Variants in RASAL1 observed in about 807,000 individuals in gnomAD.
The protein encoded by RASAL1 is rasGAP-activating-like protein 1.
In RASAL1, 72 loss-of-function variants were observed where a neutral mutation model predicts 96.6. The ratio of observed to expected loss-of-function variants is 0.75; its 90% CI spans 0.62 to 0.91. The LOEUF is 0.91. RASAL1 is among the 40% of genes least tolerant of loss of function. The pLI is 0.00. For missense variants in RASAL1, 1,016 were observed against 1,072.5 expected (o/e 0.95, Z 0.74); for synonymous variants, 405 against 430.4 (o/e 0.94, Z 0.73).
At chr12:113,113,513 G>T (rs901141882) in intron 12 of RASAL1, among the ~76,000 whole-genome samples, 8 of 152,114 alleles carry the variant, frequency 5.3e-5, no homozygotes, top group Admixed American at 2.6e-4. Context: ...CCTCAACTTG[G>T]AGTCTCACAG....
rs184905618 is a variant in RASAL1 at position 113,133,063 on chromosome 12, G to A, written c.66-2122C>T. Among the ~76,000 whole-genome samples, 616 of 152,238 alleles carry A rather than the reference G, an allele frequency of 4.0e-3. 3 individuals are homozygous for A. The highest frequency in any genetic ancestry group is 0.013 in the African/African-American group (557 of 41,538). On this transcript the variant is annotated intron_variant, in intron 1 of 20. Transcript: ENST00000548055. ...CAGTTTCCCCAACTACAGATGTGGG[G>A]TCAGATGGGCTGGGATCCCACTAGC...
In RASAL1 at chr12:113,115,536, T is replaced by A; in HGVS notation, c.1003+99A>T. On this transcript the variant is annotated intron_variant, in intron 10 of 20. Coordinates refer to ENST00000548055, the MANE Select transcript of RASAL1 (RefSeq NM_001301202.2). The surrounding 1 kb of genome is among the most constrained non-coding windows in gnomAD (Gnocchi z 4.1). Reference sequence around the variant, plus strand: ...CAGGGACCCACAGAAAAAGGAGCCCTTTTTCCCTCTGCCTGAGGCCTCCCC... The same window carrying A: ...CAGGGACCCACAGAAAAAGGAGCCCATTTTCCCTCTGCCTGAGGCCTCCCC... The A allele has an allele frequency of 6.9e-7, 1 of 1,450,218 alleles. No individual in the cohort carries two copies. The highest frequency in any genetic ancestry group is 9.3e-7 in the Non-Finnish European group (1 of 1,078,398). The allele number at this position is 1,450,218 out of a possible 1,614,324, so 89.8% of individuals were successfully genotyped here.
intron 18 of RASAL1, 143 bp downstream of exon 18, chr12:113,103,803 C>T: frequency 9.0e-7 from 1 of 1,105,360 alleles, no homozygotes; most frequent in Non-Finnish European, 1.3e-6. Flanking sequence ...CTGTTATCAA[C>T]CTCATTTCAC....
intron 18 of RASAL1, 130 bp from the exon 19 acceptor site, chr12:113,102,139 C>CCGTGTGTGGCCTAG: frequency 8.8e-7 from 1 of 1,134,454 alleles, no homozygotes. Flanking sequence ...TTCTAGGCCA[C>CCGTGTGTGGCCTAG]ACACGGTGGC....
chr12:113,136,573 C>A (rs1295898590), upstream of RASAL1, among the ~76,000 whole-genome samples: 2 of 152,256 alleles, frequency 1.3e-5, no homozygotes, highest in African/African-American at 4.8e-5. Flanking sequence ...CGAATCCTGG[C>A]TCTGCCATTT....
At chr12:113,119,103 G>A in intron 7 of RASAL1, 25 bp downstream of exon 7, 1 of 1,567,742 alleles carries the variant, frequency 6.4e-7, no homozygotes, top group South Asian at 1.2e-5. Context: ...GAGCCATGGA[G>A]GGTATTGTAG....
chr12:113,104,718 T>C (rs1950586486), intron 16 of RASAL1, among the ~76,000 whole-genome samples: 1 of 152,010 alleles, frequency 6.6e-6, no homozygotes, highest in African/African-American at 2.4e-5. Context: ...GCCAGGCTGG[T>C]CTCGAACTCC....
At chr12:113,107,449 C>G in intron 14 of RASAL1, 1 of 657,268 alleles carries the variant, frequency 1.5e-6, no homozygotes, top group African/African-American at 1.8e-5. Context: ...ATGGTGATAC[C>G]TCATCTCTAC....
At chr12:113,103,685 G>C in intron 18 of RASAL1, 1 of 557,848 alleles carries the variant, frequency 1.8e-6, no homozygotes, top group Non-Finnish European at 3.2e-6. Flanking sequence ...ACTGGATGCT[G>C]GCACCTAGTG....
chr12:113,128,444 C>A (rs995777612), intron 2 of RASAL1, among the ~76,000 whole-genome samples: 20 of 150,880 alleles, frequency 1.3e-4, no homozygotes, highest in Admixed American at 4.0e-4. Context: ...ACACACAGAC[C>A]CCAACACTCA....
chr12:113,135,264 A>G lies in RASAL1; in HGVS notation c.65+134T>C. 1.3e-6 allele frequency: 1 copy of G among 799,702 alleles called. No homozygotes were observed. Among genetic ancestry groups the G allele is most frequent in the Non-Finnish European group, 2.0e-6 (1 of 511,540 alleles). 49.5% of individuals were successfully genotyped at this position (799,702 alleles called of 1,614,324 possible). On this transcript the variant is annotated intron_variant, in intron 1 of 20. Transcript: ENST00000548055. This position sits in a 1 kb window ranked among gnomAD's most constrained non-coding sequence, Gnocchi z 5.7. ...CGGCCTCTCGCCCCTTTAAAGCGGA[A>G]CTGCCCCAAGACCAGTCTTGGACAA...
chr12:113,100,064 G>A lies in RASAL1; in HGVS notation c.2283C>T (p.Ala761=). Residue 761 remains alanine, a synonymous_variant, in exon 21 of 21, where the codon GCC becomes GCT. Coordinates refer to ENST00000548055, the MANE Select transcript of RASAL1 (RefSeq NM_001301202.2). The stretch of plus-strand genomic sequence containing the variant: ...TTTGCCGGGCCAGGACCTCAGGACA[G>A]GCCCCTAGGAGGGAGACAAGAGGCC... ...MDTTLEADTG[A]CPEVLARQRA... 1.9e-6 allele frequency: 3 copies of A among 1,604,964 alleles called. No homozygotes were observed. Among genetic ancestry groups the A allele is most frequent in the Non-Finnish European group, 2.6e-6 (3 of 1,175,050 alleles).
Position 113,123,144 on chromosome 12 carries a change from C to T in RASAL1, c.299-1506G>A, listed in dbSNP as rs191255635. 3.4e-3 allele frequency among the ~76,000 whole-genome samples: 521 copies of T among 152,292 alleles called. 2 individuals carry two copies. Among genetic ancestry groups the T allele is most frequent in the African/African-American group, 0.012 (503 of 41,562 alleles). ...TACTTGTAATTTATTGCTGTTATTGCAGACCTTTCTTGTGATTACATCTTT... is the reference window on the plus strand; with the variant it reads ...TACTTGTAATTTATTGCTGTTATTGTAGACCTTTCTTGTGATTACATCTTT... On this transcript the variant is annotated intron_variant, in intron 4 of 20. Coordinates refer to ENST00000548055, the MANE Select transcript of RASAL1 (RefSeq NM_001301202.2).
intron 18 of RASAL1, among the ~76,000 whole-genome samples, chr12:113,103,364 G>C (rs754010317): frequency 4.6e-5 from 7 of 152,050 alleles, no homozygotes; most frequent in Non-Finnish European, 8.8e-5. Context: ...CCAACACTTT[G>C]GGAGGCCGAG....
At chr12:113,116,412 A>G (rs551983236) in intron 8 of RASAL1, among the ~76,000 whole-genome samples, 1 of 152,194 alleles carries the variant, frequency 6.6e-6, no homozygotes, top group African/African-American at 2.4e-5. Context: ...ATGGAAGAGC[A>G]CAAGTGCGCA....
chr12:113,127,400 C>T (rs1451408220), intron 4 of RASAL1, among the ~76,000 whole-genome samples: 5 of 152,154 alleles, frequency 3.3e-5, no homozygotes, highest in Admixed American at 3.3e-4. Context: ...ACTCCCAACA[C>T]TTTGGGAGGC....
At chr12:113,119,286 G>C (rs762648266) in intron 6 of RASAL1, 27 bp from the exon 7 acceptor site, 25 of 1,611,594 alleles carry the variant, frequency 1.6e-5, no homozygotes, top group Non-Finnish European at 2.0e-5. Context: ...TGGTCTGTGA[G>C]TGGGAGAGCT....
At chr12:113,118,773 G>A (rs186539390) in intron 7 of RASAL1, among the ~76,000 whole-genome samples, 5 of 152,256 alleles carry the variant, frequency 3.3e-5, no homozygotes, top group Admixed American at 2.0e-4. Context: ...TGTAAAATGC[G>A]GATAGCAACA....
Position 113,100,001 on chromosome 12 carries a change from G to A in RASAL1, c.2346C>T (p.Asp782=), listed in dbSNP as rs1665471904. 6.2e-7 allele frequency: 1 copy of A among 1,613,750 alleles called. No homozygotes were observed. The highest frequency in any genetic ancestry group is 1.3e-5 in the African/African-American group (1 of 74,924). The change falls in exon 21 of 21, where the codon GAC becomes GAT. Residue 782 remains aspartate, a synonymous_variant. Transcript: ENST00000548055. ...ATARLLEVLA[D]LDRAHEEFQQ... is the part of the protein sequence containing the mutation. ...GGAACTCCTCGTGGGCACGATCCAGGTCTGCGAGCACCTCCAGCAGGCGGG... is the reference window on the plus strand; with the variant it reads ...GGAACTCCTCGTGGGCACGATCCAGATCTGCGAGCACCTCCAGCAGGCGGG...
Sources: gnomAD v4.1 joint callset for allele counts (sites outside exome capture counted in the v4.1 genomes callset) on GRCh38, gnomAD v4.1.1 for gene constraint, Gnocchi (gnomAD v3.1) non-coding constraint, MANE v1.5 for transcripts, NCBI Gene and HGNC (gene_info 2026-07-23, HGNC 2026-07-21) for gene names.